ATP6V0A2: variants seen among roughly 807,000 people sequenced by gnomAD.
The protein encoded by ATP6V0A2 is V-type proton ATPase 116 kDa subunit a 2.
ATP6V0A2 carries 58 observed loss-of-function variants against 104.4 expected under a neutral mutation model. That is an observed-to-expected ratio of 0.56 (90% CI 0.45 to 0.69). ATP6V0A2 has a LOEUF of 0.69. Among genes scored for constraint, ATP6V0A2 ranks in the 30% least tolerant of loss-of-function variants. The pLI is 0.00. For synonymous variants in ATP6V0A2, 376 were observed against 397.9 expected (o/e 0.95, Z 0.65); for missense variants, 938 against 1,062.9 (o/e 0.88, Z 1.63).
At chr12:123,724,582 C>A in intron 3 of ATP6V0A2, 72 bp from the exon 4 acceptor site, 2 of 1,481,896 alleles carry the variant, frequency 1.3e-6, no homozygotes, top group Non-Finnish European at 9.4e-7. Flanking sequence ...TTTTGGTATA[C>A]TGCATGAAGA....
At chr12:123,751,644 A>T (rs1566291730) in intron 16 of ATP6V0A2, among the ~76,000 whole-genome samples, 1 of 151,844 alleles carries the variant, frequency 6.6e-6, no homozygotes, top group African/African-American at 2.4e-5. Context: ...ACAGAGCAAG[A>T]CTCTGTCTCA....
At chr12:123,737,894 T>G (rs144232031) in intron 9 of ATP6V0A2, among the ~76,000 whole-genome samples, 103 of 152,368 alleles carry the variant, frequency 6.8e-4, no homozygotes, top group African/African-American at 2.2e-3. Context: ...TCTATTTTTC[T>G]TATAACTATT....
At chr12:123,717,081 G>A (rs771698821) in intron 1 of ATP6V0A2, among the ~76,000 whole-genome samples, 5 of 151,960 alleles carry the variant, frequency 3.3e-5, no homozygotes, top group Admixed American at 1.3e-4. Context: ...TTGGGAGGCC[G>A]AGGTGGGCGA....
At chr12:123,748,148 G>A (rs1956680437) in intron 14 of ATP6V0A2, among the ~76,000 whole-genome samples, 1 of 152,132 alleles carries the variant, frequency 6.6e-6, no homozygotes, top group Non-Finnish European at 1.5e-5. Flanking sequence ...AAGAGATGGT[G>A]TCATTTTTCT....
intron 9 of ATP6V0A2, among the ~76,000 whole-genome samples, chr12:123,740,500 C>T (rs552983959): frequency 1.1e-4 from 17 of 152,188 alleles, no homozygotes; most frequent in African/African-American, 2.4e-4. Flanking sequence ...CGTGAGCCAT[C>T]GCGCCTGGCC....
intron 17 of ATP6V0A2, among the ~76,000 whole-genome samples, chr12:123,752,893 A>G (rs1425593131): frequency 6.6e-6 from 1 of 152,272 alleles, no homozygotes; most frequent in East Asian, 1.9e-4. Flanking sequence ...TTGTGAAGTC[A>G]GTTGGCCCCA....
At chr12:123,733,045 G>GC (rs1390640027) in intron 6 of ATP6V0A2, 1 of 152,160 alleles carries the variant, frequency 6.6e-6, no homozygotes. Context: ...GAGCACGGTG[G>GC]CTCATGCCTG....
chr12:123,748,466 G>A (rs1956683387), intron 14 of ATP6V0A2, 109 bp from the exon 15 acceptor site: 1 of 843,224 alleles, frequency 1.2e-6, no homozygotes, highest in Non-Finnish European at 2.0e-6. Flanking sequence ...TATGAGAAAT[G>A]ATGTTATTCT....
rs1298549044 is a variant in ATP6V0A2, at chr12:123,760,436, CAG to C, written c.*2407_*2408del. On this transcript the variant is annotated 3_prime_UTR_variant, in exon 20 of 20. Transcript: ENST00000330342. ...GCGATGGGCTCCAGTGTCATGTTAC[CAG>C]AGTTATCGCTCAGTTTTGTTTGTTA... is the stretch of plus-strand genomic sequence containing the variant. 3 of 152,288 alleles carry C rather than the reference CAG, an allele frequency of 2.0e-5. No individual in the cohort carries two copies. Among genetic ancestry groups the C allele is most frequent in the African/African-American group, 4.8e-5 (2 of 41,558 alleles). The allele number at this position is 152,288 out of a possible 1,614,324, so 9.4% of individuals were successfully genotyped here.
intron 1 of ATP6V0A2, among the ~76,000 whole-genome samples, chr12:123,714,859 A>T (rs1048858899): frequency 2.6e-5 from 4 of 152,190 alleles, no homozygotes; most frequent in African/African-American, 9.6e-5. Context: ...AGGCGGGCAG[A>T]TCACAAGGCC....
intron 5 of ATP6V0A2, among the ~76,000 whole-genome samples, chr12:123,726,964 C>A (rs189607638): frequency 1.8e-3 from 271 of 152,286 alleles, no homozygotes; most frequent in Non-Finnish European, 3.0e-3. Context: ...TGAATTTTAA[C>A]CTGTGGTTAT....
chr12:123,745,107 A>T (rs192545183), intron 13 of ATP6V0A2, 135 bp downstream of exon 13: 1 of 914,808 alleles, frequency 1.1e-6, no homozygotes. Flanking sequence ...GCCCCTGTGC[A>T]TCCCAGTCCC....
chr12:123,748,499 T>C (rs189467979), intron 14 of ATP6V0A2, 76 bp from the exon 15 acceptor site: 1 of 1,096,786 alleles, frequency 9.1e-7, no homozygotes, highest in Admixed American at 1.7e-5. Flanking sequence ...ATAGTTTAGT[T>C]GCAGAGAGTT....
Position 123,754,523 on chromosome 12 carries a change from GC to G in ATP6V0A2, c.2281del (p.Leu761TrpfsTer14). On this transcript the variant is annotated frameshift_variant, in exon 18 of 20. Transcript: ENST00000330342. LOFTEE classifies it high-confidence loss of function. ...TCCTACCTGAGGCTCTGGGCGCTTA[GC>G]CTGGCTCACGCACGTAAGTTCCTGC... The part of the protein sequence containing the change: ...TASYLRLWAL[S>X]LAHAQLSDVL... The G allele has an allele frequency of 6.2e-7, 1 of 1,614,042 alleles. No individual in the cohort carries two copies. Among genetic ancestry groups the G allele is most frequent in the Non-Finnish European group, 8.5e-7 (1 of 1,179,894 alleles).
intron 19 of ATP6V0A2, 96 bp downstream of exon 19, chr12:123,757,082 C>A: frequency 7.5e-7 from 1 of 1,327,556 alleles, no homozygotes; most frequent in Non-Finnish European, 1.1e-6. Context: ...CCTGCAAAAT[C>A]TAATGCTGAA....
intron 17 of ATP6V0A2, chr12:123,754,123 AC>A (rs1956741238): frequency 3.7e-6 from 2 of 543,084 alleles, no homozygotes; most frequent in Admixed American, 6.5e-5. Flanking sequence ...AGCTGTGGCC[AC>A]GGCAGTTCCT....
chr12:123,733,143 G>A (rs182359375), intron 6 of ATP6V0A2: 1 of 152,032 alleles, frequency 6.6e-6, no homozygotes, highest in African/African-American at 2.4e-5. Flanking sequence ...AGAAACCCCC[G>A]TCTCTACTAA....
At chr12:123,725,079 G>C (rs950081800) in intron 4 of ATP6V0A2, among the ~76,000 whole-genome samples, 3 of 152,140 alleles carry the variant, frequency 2.0e-5, no homozygotes, top group Admixed American at 1.3e-4. Context: ...GGGATTACAG[G>C]CGCCCGCCAC....
chr12:123,731,059 G>A (rs1353156522), intron 6 of ATP6V0A2: 1 of 152,170 alleles, frequency 6.6e-6, no homozygotes, highest in Non-Finnish European at 1.5e-5. Flanking sequence ...ATCTGTGAAG[G>A]AATACAGAGA....
Sources: allele counts gnomAD v4.1 joint callset (sites outside exome capture counted in the v4.1 genomes callset), GRCh38; gene constraint gnomAD v4.1.1; transcripts MANE v1.5; gene names NCBI Gene and HGNC (gene_info 2026-07-23, HGNC 2026-07-21).